Variants in ACOT1 observed in about 807,000 individuals in gnomAD.
ACOT1 encodes acyl-coenzyme A thioesterase 1.
A neutral mutation model predicts 15.7 loss-of-function variants in ACOT1; 8 were observed. The observed-to-expected ratio is 0.51, with a 90% confidence interval of 0.30 to 0.92. The LOEUF is 0.92. Ranked by LOEUF, ACOT1 falls within the 40% of genes least tolerant of loss-of-function variation. ACOT1 has a pLI of 0.06. For missense variants in ACOT1, 151 were observed against 539.4 expected (o/e 0.28, Z 7.13); for synonymous variants, 67 against 241.2 (o/e 0.28, Z 6.69).
At chr14:73,514,393 C>T in the ACOT1 span, among the ~76,000 whole-genome samples, 1 of 151,950 alleles carries the variant, frequency 6.6e-6, no homozygotes, top group Admixed American at 6.6e-5. Context: ...GAACTGAGTA[C>T]ATGTACACAG....
the ACOT1 span, among the ~76,000 whole-genome samples, chr14:73,519,518 G>A: frequency 0.063 from 9,527 of 152,162 alleles, 348 homozygotes; most frequent in Admixed American, 0.12. Flanking sequence ...GGCCGAGGTG[G>A]GTGGATCACA....
At chr14:73,493,725 C>T in the ACOT1 span, among the ~76,000 whole-genome samples, 5 of 152,158 alleles carry the variant, frequency 3.3e-5, no homozygotes, top group Admixed American at 2.6e-4. Flanking sequence ...GTAATCCCAG[C>T]TACTAGGGGG....
chr14:73,504,478 G>A, the ACOT1 span, among the ~76,000 whole-genome samples: 3 of 152,038 alleles, frequency 2.0e-5, no homozygotes, highest in Non-Finnish European at 4.4e-5. Flanking sequence ...TCCTGACCTC[G>A]TGATCCGCCC....
the ACOT1 span, chr14:73,509,368 G>T: frequency 6.8e-6 from 11 of 1,614,050 alleles, no homozygotes; most frequent in Non-Finnish European, 9.3e-6. Flanking sequence ...TGACTGTATG[G>T]CATATTGGCA....
At chr14:73,514,055 C>G in the ACOT1 span, 1 of 1,614,200 alleles carries the variant, frequency 6.2e-7, no homozygotes, top group Non-Finnish European at 8.5e-7. Flanking sequence ...GTCTTCCATT[C>G]CTTCAGCATC....
chr14:73,504,684 T>C, the ACOT1 span, among the ~76,000 whole-genome samples: 9 of 152,310 alleles, frequency 5.9e-5, no homozygotes, highest in East Asian at 1.7e-3. Context: ...AGTGGCCAGA[T>C]TTTGTGCTTC....
the ACOT1 span, among the ~76,000 whole-genome samples, chr14:73,526,529 A>G: frequency 0.013 from 1,971 of 151,608 alleles, 42 homozygotes; most frequent in African/African-American, 0.046. Flanking sequence ...AGAGACTCCT[A>G]CTTGGGGAAA....
chr14:73,503,454 A>G, the ACOT1 span, among the ~76,000 whole-genome samples: 5 of 152,190 alleles, frequency 3.3e-5, no homozygotes, highest in South Asian at 2.1e-4. Context: ...TGGTCACTCT[A>G]TAAGTGCACT....
chr14:73,509,442 T>G, the ACOT1 span: 2 of 1,614,056 alleles, frequency 1.2e-6, no homozygotes, highest in Non-Finnish European at 1.7e-6. Context: ...GGGCAGGCAG[T>G]AGAACCTCCG....
upstream of ACOT1, among the ~76,000 whole-genome samples, chr14:73,534,905 C>G (rs140008880): frequency 2.0e-3 from 224 of 110,322 alleles, 52 homozygotes; most frequent in African/African-American, 6.2e-3. Flanking sequence ...AGGCCTCCCC[C>G]CTAACAGCTG....
chr14:73,509,874 T>A, the ACOT1 span, among the ~76,000 whole-genome samples: 63 of 82,996 alleles, frequency 7.6e-4, 2 homozygotes, highest in Non-Finnish European at 1.3e-3. Flanking sequence ...ATATATTTAT[T>A]TATTTTATAT....
chr14:73,520,885 T>C, the ACOT1 span: 34 of 1,613,944 alleles, frequency 2.1e-5, 1 homozygote, highest in Admixed American at 5.5e-4. Context: ...GTGTTGTCTG[T>C]GGAGTAGGCA....
the ACOT1 span, among the ~76,000 whole-genome samples, chr14:73,525,586 A>C: frequency 6.6e-6 from 1 of 152,180 alleles, no homozygotes; most frequent in African/African-American, 2.4e-5. Flanking sequence ...GGCTAGAGCA[A>C]GACGGCCAAA....
upstream of ACOT1, among the ~76,000 whole-genome samples, chr14:73,535,554 T>TCC (rs1206144550): frequency 4.6e-4 from 40 of 86,922 alleles, 8 homozygotes; most frequent in African/African-American, 1.4e-3. Context: ...CTGCAAGCAC[T>TCC]GCCTCCAGGG....
chr14:73,502,088 C>G, the ACOT1 span, among the ~76,000 whole-genome samples: 1 of 144,882 alleles, frequency 6.9e-6, no homozygotes, highest in African/African-American at 2.6e-5. Context: ...GAGGCAAGGT[C>G]TTGCTATGTT....
At chr14:73,522,482 C>T in the ACOT1 span, 25 of 1,614,198 alleles carry the variant, frequency 1.5e-5, no homozygotes, top group African/African-American at 6.7e-5. Context: ...CCCAGGCCTT[C>T]GAGGACGCTT....
chr14:73,522,268 A>G, the ACOT1 span: 1 of 1,612,974 alleles, frequency 6.2e-7, no homozygotes, highest in Non-Finnish European at 8.5e-7. Flanking sequence ...CCTGGCCAGT[A>G]TACCTGTAGT....
chr14:73,495,046 C>A, the ACOT1 span, among the ~76,000 whole-genome samples: 3 of 123,216 alleles, frequency 2.4e-5, no homozygotes, highest in Admixed American at 8.9e-5. Flanking sequence ...AATAAAAACC[C>A]GAGAAACAAA....
intron 1 of ACOT1, chr14:73,539,904 A>G (rs1354096779): frequency 1.7e-5 from 2 of 116,082 alleles, no homozygotes; most frequent in Non-Finnish European, 3.8e-5. Context: ...GGTTTATGTA[A>G]ATTAGCATTT....
Sources: gnomAD v4.1 joint callset for allele counts (sites outside exome capture counted in the v4.1 genomes callset) on GRCh38, gnomAD v4.1.1 for gene constraint, MANE v1.5 for transcripts, NCBI Gene and HGNC (gene_info 2026-07-23, HGNC 2026-07-21) for gene names.